ZNF185: variants seen among roughly 807,000 people sequenced by gnomAD.
ZNF185 encodes zinc finger protein 185.
In ZNF185, 56 loss-of-function variants were observed where a neutral mutation model predicts 58.6. The ratio of observed to expected loss-of-function variants is 0.95; its 90% CI spans 0.77 to 1.19. The LOEUF is 1.19. Among genes scored for constraint, ZNF185 ranks in the 50% most tolerant of loss-of-function variants. The pLI is 0.00. For synonymous variants in ZNF185, 230 were observed against 215.9 expected (o/e 1.07, Z -0.57); for missense variants, 627 against 573.5 (o/e 1.09, Z -0.95).
At chrX:152,938,732 T>C (rs1556885237) in intron 15 of ZNF185, among the ~76,000 whole-genome samples, 2 of 109,476 alleles carry the variant, frequency 1.8e-5, no homozygotes, top group African/African-American at 6.7e-5. Flanking sequence ...CTCCTCACAG[T>C]CTCTCAAAGG....
At chrX:152,903,065 G>A in the ZNF185 span, among the ~76,000 whole-genome samples, 968 of 111,115 alleles carry the variant, frequency 8.7e-3, 13 homozygotes, top group African/African-American at 0.03. Flanking sequence ...GTGTGTAGGC[G>A]GGGGTGTTCC....
chrX:152,908,032 G>A, the ZNF185 span, among the ~76,000 whole-genome samples: 2 of 112,678 alleles, frequency 1.8e-5, no homozygotes, highest in South Asian at 7.2e-4. Context: ...TTCTAGCTTG[G>A]TGTATCCTGT....
chrX:152,959,699 C>T lies in ZNF185; in HGVS notation c.1410C>T (p.Ser470=), dbSNP rs188522439. Residue 470 remains serine (S), a splice_region_variant and synonymous_variant, in exon 17 of 23, where the codon AGC becomes AGT. Coordinates refer to ENST00000449285, the Ensembl canonical transcript of ZNF185. ...TCATAAGGGTCTTATTCTTCCTCAG[C>T]GTGTTGACTGATTTTGAGGGGAAGG... 7.3e-5 allele frequency: 88 copies of T among 1,208,043 alleles called. No homozygotes were observed. The East Asian group carries it at 2.6e-3, about 35-fold the overall frequency.
At chrX:152,933,105 C>CTCCCACAT (rs1309851381) in intron 14 of ZNF185, 134 bp downstream of exon 15, 2 of 418,220 alleles carry the variant, frequency 4.8e-6, no homozygotes, top group Non-Finnish European at 8.2e-6. Context: ...TTCTCCCACA[C>CTCCCACAT]TCCCACATTC....
intron 15 of ZNF185, chrX:152,941,657 C>T: frequency 8.6e-7 from 1 of 1,158,280 alleles, no homozygotes; most frequent in Non-Finnish European, 1.2e-6. Flanking sequence ...TCTTGAAGCC[C>T]CGAACTCGGT....
At chrX:152,920,995 A>G (rs1556869282) in intron 9 of ZNF185, among the ~76,000 whole-genome samples, 2 of 112,493 alleles carry the variant, frequency 1.8e-5, no homozygotes, top group African/African-American at 6.5e-5. Flanking sequence ...TGGGCCCCTG[A>G]CCCAACGTGG....
chrX:152,904,185 C>T, the ZNF185 span, among the ~76,000 whole-genome samples: 8 of 112,176 alleles, frequency 7.1e-5, no homozygotes, highest in Admixed American at 6.5e-4. Context: ...CCAGGCAGGT[C>T]GTGCACTCTG....
At chrX:152,902,868 G>A in the ZNF185 span, among the ~76,000 whole-genome samples, 1 of 111,895 alleles carries the variant, frequency 8.9e-6, no homozygotes, top group East Asian at 2.8e-4. Flanking sequence ...GGAGGATAGG[G>A]AGTCAGAGCT....
intron 13 of ZNF185, among the ~76,000 whole-genome samples, chrX:152,932,084 A>G (rs1374746871): frequency 8.9e-6 from 1 of 112,436 alleles, no homozygotes; most frequent in African/African-American, 3.2e-5. Flanking sequence ...GCCTGTGCTG[A>G]GTTCCTTCCA....
chrX:152,961,700 C>T (rs948928523), intron 17 of ZNF185, among the ~76,000 whole-genome samples: 1 of 112,527 alleles, frequency 8.9e-6, no homozygotes, highest in African/African-American at 3.2e-5. Context: ...TAAGCATGAT[C>T]GTAATAACCA....
chrX:152,952,810 C>T (rs1009058464), intron 16 of ZNF185, among the ~76,000 whole-genome samples: 1 of 106,487 alleles, frequency 9.4e-6, no homozygotes, highest in Non-Finnish European at 1.9e-5. Flanking sequence ...CACTGAAGTT[C>T]CAAATTACCC....
At chrX:152,958,285 G>T (rs2049058159) in intron 16 of ZNF185, among the ~76,000 whole-genome samples, 1 of 111,527 alleles carries the variant, frequency 9.0e-6, no homozygotes, top group African/African-American at 3.3e-5. Context: ...GAGTTTGGCT[G>T]CTGGAAGGGG....
the ZNF185 span, among the ~76,000 whole-genome samples, chrX:152,905,627 C>A: frequency 1.8e-5 from 2 of 110,401 alleles, no homozygotes; most frequent in Non-Finnish European, 3.8e-5. Context: ...ACAGGAGCCT[C>A]GACACCCCCA....
intron 17 of ZNF185, among the ~76,000 whole-genome samples, chrX:152,962,619 C>T (rs1195270375): frequency 8.9e-6 from 1 of 112,142 alleles, no homozygotes; most frequent in Non-Finnish European, 1.9e-5. Context: ...TCCACCTTCT[C>T]CAGTCTCTAT....
rs1478790195 is a variant in ZNF185 at position 152,920,682 on chromosome X, C to T, written c.615-25C>T. ...ACCTGCCCACGGGCTCTGCCCAAAGCATTGCCTTTCTGCTTCCTTTCCAGC... is the reference window on the plus strand; with the variant it reads ...ACCTGCCCACGGGCTCTGCCCAAAGTATTGCCTTTCTGCTTCCTTTCCAGC... On this transcript the variant is annotated intron_variant, in intron 8 of 22. Transcript: ENST00000449285. The T allele has an allele frequency of 5.0e-6, 6 of 1,210,673 alleles. No individual in the cohort carries two copies. In the East Asian group the frequency reaches 1.5e-4, roughly 30 times the overall value.
chrX:152,922,311 C>T (rs1939897399), intron 10 of ZNF185, 55 bp downstream of exon 11: 2 of 1,092,792 alleles, frequency 1.8e-6, no homozygotes, highest in South Asian at 2.0e-5. Flanking sequence ...ACCTGCCACT[C>T]AGTCACTGAG....
At chrX:152,966,192 A>C (rs984364298) in intron 19 of ZNF185, among the ~76,000 whole-genome samples, 1 of 109,752 alleles carries the variant, frequency 9.1e-6, no homozygotes, top group Non-Finnish European at 1.9e-5. Context: ...ATTTTAGTAG[A>C]GATGAAGTTT....
chrX:152,950,421 T>C (rs1166788945), intron 16 of ZNF185, among the ~76,000 whole-genome samples: 1 of 111,773 alleles, frequency 8.9e-6, no homozygotes, highest in Non-Finnish European at 1.9e-5. Context: ...TCTTATCTAA[T>C]ATAAGGCAAA....
At chrX:152,900,808 G>A in the ZNF185 span, among the ~76,000 whole-genome samples, 1 of 112,425 alleles carries the variant, frequency 8.9e-6, no homozygotes, top group Admixed American at 9.3e-5. Context: ...TGGCTCAGAG[G>A]TCAGCCTGGG....
Sources: allele counts gnomAD v4.1 joint callset (sites outside exome capture counted in the v4.1 genomes callset), GRCh38; gene constraint gnomAD v4.1.1; transcripts MANE v1.5; gene names NCBI Gene and HGNC (gene_info 2026-07-23, HGNC 2026-07-21).